IKZF1: variants seen among roughly 807,000 people sequenced by gnomAD.
The protein encoded by IKZF1 is IKAROS family zinc finger 1, also known as DNA-binding protein Ikaros.
IKZF1 carries 10 observed loss-of-function variants against 51.7 expected under a neutral mutation model. That is an observed-to-expected ratio of 0.19 (90% CI 0.12 to 0.33). The LOEUF is 0.33. Among genes scored for constraint, IKZF1 ranks in the 10% least tolerant of loss-of-function variants. The pLI is 1.00. For missense variants in IKZF1, 484 were observed against 707.5 expected (o/e 0.68, Z 3.58); for synonymous variants, 280 against 282.3 (o/e 0.99, Z 0.08).
intron 5 of IKZF1, 115 bp downstream of exon 5, chr7:50,382,822 G>T (rs942536349): frequency 5.4e-6 from 7 of 1,297,548 alleles, no homozygotes; most frequent in Non-Finnish European, 7.3e-6. Context: ...CTCCCAGCTC[G>T]CAGTCCTGCA....
At chr7:50,393,546 G>T (rs1014291409) in intron 7 of IKZF1, among the ~76,000 whole-genome samples, 8 of 152,152 alleles carry the variant, frequency 5.3e-5, no homozygotes, top group Non-Finnish European at 1.2e-4. Context: ...CATAGGTTGG[G>T]GGTTGAGAGG....
At position 50,400,090 on chromosome 7, in the gene IKZF1, C is replaced by A. The variant is rs1198350289; in HGVS notation, c.1023C>A (p.Val341=). Residue 341 remains valine (V), a synonymous_variant, in exon 8 of 8, where the codon GTC becomes GTA. Coordinates refer to ENST00000331340, the MANE Select transcript of IKZF1 (RefSeq NM_006060.6). The surrounding 1 kb of genome is among the most constrained non-coding windows in gnomAD (Gnocchi z 5.4). ...CGCCCCCGGGCGGTTCCGAGGTGGTCCCGGTCATCAGCCCGATGTACCAGC... is the reference window on the plus strand; with the variant it reads ...CGCCCCCGGGCGGTTCCGAGGTGGTACCGGTCATCAGCCCGATGTACCAGC... The part of the protein sequence containing the change: ...VQTPPGGSEV[V]PVISPMYQLH... 1.3e-6 allele frequency: 2 copies of A among 1,573,500 alleles called. No individual in the cohort carries two copies. The highest frequency in any genetic ancestry group is 8.6e-7 in the Non-Finnish European group (1 of 1,161,918).
intron 3 of IKZF1, among the ~76,000 whole-genome samples, chr7:50,354,332 C>G (rs554391714): frequency 6.6e-6 from 1 of 152,192 alleles, no homozygotes; most frequent in Non-Finnish European, 1.5e-5. Context: ...CACCAGAGCC[C>G]CCACTAGCCA....
intron 3 of IKZF1, chr7:50,368,151 AC>A (rs1807525216): frequency 1.4e-6 from 1 of 703,328 alleles, no homozygotes; most frequent in African/African-American, 1.7e-5. Flanking sequence ...TCCTTCATCA[AC>A]CCCCGAGATA....
At chr7:50,380,886 G>A (rs1276047043) in intron 4 of IKZF1, among the ~76,000 whole-genome samples, 1 of 152,160 alleles carries the variant, frequency 6.6e-6, no homozygotes, top group Non-Finnish European at 1.5e-5. Flanking sequence ...TGATTTACAT[G>A]CATCGGTTTG....
chr7:50,329,072 C>CAAAAAA (rs754431183), intron 3 of IKZF1: 8 of 91,678 alleles, frequency 8.7e-5, no homozygotes, highest in South Asian at 3.9e-4. Flanking sequence ...GACTCCATCT[C>CAAAAAA]AAAAAAAAAA....
chr7:50,338,977 A>C (rs976347749), intron 3 of IKZF1, among the ~76,000 whole-genome samples: 46 of 152,348 alleles, frequency 3.0e-4, no homozygotes, highest in Middle Eastern at 3.4e-3. Flanking sequence ...AGCCACCTAG[A>C]ATCAGCCAAC....
At chr7:50,348,564 C>T (rs1475015541) in intron 3 of IKZF1, among the ~76,000 whole-genome samples, 1 of 152,240 alleles carries the variant, frequency 6.6e-6, no homozygotes, top group Non-Finnish European at 1.5e-5. Flanking sequence ...ACATCATCCA[C>T]AGCCGCAGCA....
At chr7:50,393,766 C>T in intron 7 of IKZF1, 1 of 232,652 alleles carries the variant, frequency 4.3e-6, no homozygotes, top group East Asian at 6.1e-5. Flanking sequence ...GCCTCCTGAG[C>T]AGCCAGCATC....
chr7:50,374,973 G>T (rs955849666), intron 3 of IKZF1, among the ~76,000 whole-genome samples: 4 of 151,912 alleles, frequency 2.6e-5, no homozygotes, highest in Admixed American at 2.6e-4. Context: ...CTTCTGGAGG[G>T]TATGTTAAAA....
At chr7:50,352,164 C>T (rs1802025750) in intron 3 of IKZF1, among the ~76,000 whole-genome samples, 2 of 152,218 alleles carry the variant, frequency 1.3e-5, no homozygotes, top group South Asian at 2.1e-4. Flanking sequence ...CCAGAAAGTA[C>T]ACTTGTGTTT....
At chr7:50,351,436 C>T (rs1014412777) in intron 3 of IKZF1, among the ~76,000 whole-genome samples, 3 of 152,204 alleles carry the variant, frequency 2.0e-5, no homozygotes, top group Non-Finnish European at 4.4e-5. Context: ...GTGTTTCCTC[C>T]ATATCTACTT....
chr7:50,342,796 A>T (rs1584617238), intron 3 of IKZF1, among the ~76,000 whole-genome samples: 1 of 152,162 alleles, frequency 6.6e-6, no homozygotes, highest in South Asian at 2.1e-4. Context: ...TGCAGCCCAG[A>T]CCCCAGCCTT....
rs117083015 is a variant in IKZF1, at chr7:50,313,411, T to A, written c.-14-5637T>A. 7.8e-3 allele frequency among the ~76,000 whole-genome samples: 1,185 copies of A among 152,326 alleles called. 9 individuals carry two copies. The highest frequency in any genetic ancestry group is 0.012 in the Non-Finnish European group (791 of 68,020). ...GGAGGAAAAAGTAAATAGCATACAT[T>A]TGGCCAAATAACCAGAACTTTACTG... On this transcript the variant is annotated intron_variant, in intron 1 of 7. Transcript: ENST00000331340.
intron 3 of IKZF1, among the ~76,000 whole-genome samples, chr7:50,344,109 A>C (rs1391331724): frequency 6.6e-6 from 1 of 152,220 alleles, no homozygotes; most frequent in African/African-American, 2.4e-5. Context: ...CCTGGGTTTA[A>C]GCTTCAGTTC....
At chr7:50,335,988 T>C (rs1170938243) in intron 3 of IKZF1, among the ~76,000 whole-genome samples, 2 of 152,062 alleles carry the variant, frequency 1.3e-5, no homozygotes, top group Non-Finnish European at 2.9e-5. Flanking sequence ...GGGCACAGCA[T>C]AGAGGGCTGT....
intron 3 of IKZF1, among the ~76,000 whole-genome samples, chr7:50,371,619 C>T (rs967788927): frequency 6.6e-6 from 1 of 152,200 alleles, no homozygotes; most frequent in East Asian, 1.9e-4. Flanking sequence ...CACTGGAAAC[C>T]CCTCTCTCAG....
intron 3 of IKZF1, among the ~76,000 whole-genome samples, chr7:50,371,186 G>A (rs541609470): frequency 6.6e-6 from 1 of 152,212 alleles, no homozygotes; most frequent in Non-Finnish European, 1.5e-5. Flanking sequence ...TTCAGCAGGA[G>A]CCTTGCATAT....
intron 7 of IKZF1, among the ~76,000 whole-genome samples, chr7:50,396,878 T>TC (rs1156497018): frequency 6.6e-6 from 1 of 152,180 alleles, no homozygotes; most frequent in Non-Finnish European, 1.5e-5. Flanking sequence ...AATGCTTTCA[T>TC]CCCCACAGGA....
Sources: gnomAD v4.1 joint callset for allele counts (sites outside exome capture counted in the v4.1 genomes callset) on GRCh38, gnomAD v4.1.1 for gene constraint, Gnocchi (gnomAD v3.1) non-coding constraint, MANE v1.5 for transcripts, NCBI Gene and HGNC (gene_info 2026-07-23, HGNC 2026-07-21) for gene names.